ATP11C: variants seen among roughly 807,000 people sequenced by gnomAD.
ATP11C encodes ATPase phospholipid transporting 11C (ATP11C blood group), also known as phospholipid-transporting ATPase IG.
In ATP11C, 36 loss-of-function variants were observed where a neutral mutation model predicts 97.4. The observed-to-expected ratio is 0.37, with a 90% CI of 0.28 to 0.49. The LOEUF (loss-of-function observed/expected upper bound fraction) is 0.49, where lower values mean the gene tolerates loss of function less well. ATP11C is among the 20% of genes least tolerant of loss of function. The pLI, the probability that ATP11C is intolerant of heterozygous loss-of-function variation, is 0.98. For missense variants in ATP11C, 730 were observed against 824.6 expected, an observed-to-expected ratio of 0.89 and a Z score of 1.40; for synonymous variants, 275 against 290.9, an observed-to-expected ratio of 0.95 and a Z score of 0.56.
chrX:139,819,504 T>A, intron 2 of ATP11C, 77 bp from the exon 3 acceptor site: 1 of 384,276 alleles, frequency 2.6e-6, no homozygotes, highest in South Asian at 9.7e-5. Context: ...TGATTATGGG[T>A]CCACATTATC....
At chrX:139,781,747 A>G (rs1005833612) in intron 18 of ATP11C, among the ~76,000 whole-genome samples, 4 of 111,199 alleles carry the variant, frequency 3.6e-5, no homozygotes, top group African/African-American at 1.3e-4. Context: ...AAATAAAAAT[A>G]AAATAAAATA....
intron 19 of ATP11C, among the ~76,000 whole-genome samples, chrX:139,773,633 T>C: frequency 8.9e-6 from 1 of 112,816 alleles, no homozygotes; most frequent in East Asian, 2.8e-4. Flanking sequence ...AAGTTTCTCA[T>C]AGGCAATTAA....
chrX:139,864,560 T>C (rs956269277), intron 1 of ATP11C, among the ~76,000 whole-genome samples: 1 of 112,146 alleles, frequency 8.9e-6, no homozygotes, highest in Non-Finnish European at 1.9e-5. Context: ...TCAGTGTCCT[T>C]ATATGTAAAT....
intron 1 of ATP11C, among the ~76,000 whole-genome samples, chrX:139,846,432 G>A (rs1290041638): frequency 8.9e-6 from 1 of 112,039 alleles, no homozygotes; most frequent in Admixed American, 9.4e-5. Context: ...GTTAAAGTAA[G>A]GTTGGGTTAG....
chrX:139,816,295 C>T (rs2083286966), intron 4 of ATP11C, among the ~76,000 whole-genome samples: 1 of 111,559 alleles, frequency 9.0e-6, no homozygotes, highest in Non-Finnish European at 1.9e-5. Context: ...TACCCTTTCA[C>T]CTCCAATTTC....
At chrX:139,735,958 T>C (rs1426207217) in intron 28 of ATP11C, among the ~76,000 whole-genome samples, 1 of 111,664 alleles carries the variant, frequency 9.0e-6, no homozygotes, top group African/African-American at 3.3e-5. Context: ...AATGAATGAA[T>C]GATTGCATGA....
At chrX:139,903,382 A>G (rs2084927491) in intron 1 of ATP11C, among the ~76,000 whole-genome samples, 1 of 109,250 alleles carries the variant, frequency 9.2e-6, no homozygotes, top group South Asian at 4.0e-4. Context: ...CAAGGGTCCC[A>G]CCCTATACCC....
rs2084448474 is a variant in ATP11C, at chrX:139,875,167, G to T, written c.28-48344C>A. 2.7e-5 allele frequency among the ~76,000 whole-genome samples: 3 copies of T among 111,000 alleles called. No homozygotes were observed. The Admixed American group carries it at 2.9e-4, about 11-fold the overall frequency. On this transcript the variant is annotated intron_variant, in intron 1 of 29. Transcript: ENST00000682941. ...TAATATCTATTTCCAGTAACTACCT[G>T]GTTTCTCATCTGGCCACTAAAGTTC...
intron 1 of ATP11C, among the ~76,000 whole-genome samples, chrX:139,893,972 T>C (rs2084769217): frequency 9.0e-6 from 1 of 110,877 alleles, no homozygotes; most frequent in Admixed American, 9.7e-5. Context: ...CTCTTTCCAT[T>C]CACACAGACC....
rs920122891 is a variant in ATP11C at position 139,855,292 on chromosome X, T to C, written c.28-28469A>G. Among the ~76,000 whole-genome samples, 5 of 112,008 alleles carry C rather than the reference T, an allele frequency of 4.5e-5. No individual in the cohort carries two copies. In the Admixed American group the frequency reaches 4.7e-4, roughly 11 times the overall value. On this transcript the variant is annotated intron_variant, in intron 1 of 29. Coordinates refer to ENST00000682941, the MANE Select transcript of ATP11C (RefSeq NM_001353812.2). ...AAACAAAAGGTCAGTTTCTTAGAAA[T>C]TATATACTTGGTTTATCTTCCACTT...
rs1288943023 is a variant in ATP11C, at chrX:139,737,966, G to A, written c.3238C>T (p.Pro1080Ser). 2.5e-6 allele frequency: 3 copies of A among 1,203,023 alleles called. No individual in the cohort carries two copies. The highest frequency in any genetic ancestry group is 3.4e-6 in the Non-Finnish European group (3 of 889,531). ...TTTAATACTATCAGAAGAATCTCAGGGAACAGGCTGATAAATATTAGAAGA... is the reference window on the plus strand; with the variant it reads ...TTTAATACTATCAGAAGAATCTCAGAGAACAGGCTGATAAATATTAGAAGA... The part of the protein sequence containing the change: ...IILLIFISLF[P>S]EILLIVLKNV... Residue 1080 changes from proline (P) to serine (S), a missense_variant, in exon 28 of 30, where the codon CCT becomes TCT. Pro to Ser is a moderately conservative substitution (Grantham distance 74). Transcript: ENST00000682941.
At chrX:139,773,095 C>T (rs1010762372) in intron 19 of ATP11C, among the ~76,000 whole-genome samples, 1 of 110,978 alleles carries the variant, frequency 9.0e-6, no homozygotes. Context: ...CTTTCCTATG[C>T]TGTTCTCATT....
intron 1 of ATP11C, among the ~76,000 whole-genome samples, chrX:139,863,847 A>G (rs1341234066): frequency 9.0e-6 from 1 of 111,478 alleles, no homozygotes. Flanking sequence ...GGATTGCTTG[A>G]GCCTGGGAGC....
chrX:139,774,617 G>T, intron 19 of ATP11C, 73 bp downstream of exon 19: 1 of 928,376 alleles, frequency 1.1e-6, no homozygotes, highest in Non-Finnish European at 1.5e-6. Flanking sequence ...AGAAAATGAA[G>T]CCTTTTGTAT....
chrX:139,817,849 T>C (rs1015323037), intron 3 of ATP11C, among the ~76,000 whole-genome samples: 3 of 110,754 alleles, frequency 2.7e-5, no homozygotes, highest in African/African-American at 1.0e-4. Context: ...CATGTCTAGG[T>C]GAATGTTGTC....
At chrX:139,905,736 C>G (rs1281800854) in intron 1 of ATP11C, among the ~76,000 whole-genome samples, 1 of 110,757 alleles carries the variant, frequency 9.0e-6, no homozygotes, top group East Asian at 2.8e-4. Context: ...TTTAAAGCAG[C>G]AATCAAATAT....
At chrX:139,820,409 T>A (rs2083383630) in intron 2 of ATP11C, among the ~76,000 whole-genome samples, 1 of 110,151 alleles carries the variant, frequency 9.1e-6, no homozygotes, top group South Asian at 3.8e-4. Flanking sequence ...CAAAAATAAA[T>A]AAATAATAAA....
intron 5 of ATP11C, among the ~76,000 whole-genome samples, chrX:139,810,166 C>T (rs928173638): frequency 1.5e-4 from 17 of 110,518 alleles, no homozygotes; most frequent in African/African-American, 5.6e-4. Context: ...AAACCAATAA[C>T]AAAAAGGTAT....
chrX:139,805,697 G>A (rs1478822083), intron 5 of ATP11C, among the ~76,000 whole-genome samples: 1 of 111,936 alleles, frequency 8.9e-6, no homozygotes, highest in Non-Finnish European at 1.9e-5. Flanking sequence ...CTTTAGAAGG[G>A]AGTCAATATT....
Sources: allele counts gnomAD v4.1 joint callset (sites outside exome capture counted in the v4.1 genomes callset), GRCh38; gene constraint gnomAD v4.1.1; transcripts MANE v1.5; gene names NCBI Gene and HGNC (gene_info 2026-07-23, HGNC 2026-07-21).